The following GRB14 variants were observed in gnomAD, a reference collection of about 807,000 sequenced individuals.
The protein encoded by GRB14 is growth factor receptor bound protein 14, also known as growth factor receptor-bound protein 14.
In GRB14, 38 loss-of-function variants were observed where a neutral mutation model predicts 69.1. That is an observed-to-expected ratio of 0.55 (90% CI 0.42 to 0.72). The LOEUF (loss-of-function observed/expected upper bound fraction) is 0.72. GRB14 is among the 30% of genes least tolerant of loss of function. GRB14 has a pLI of 0.00. For missense variants in GRB14, 666 were observed against 666.1 expected, an observed-to-expected ratio of 1.00 and a Z score of 0.00; for synonymous variants, 247 against 241.3, an observed-to-expected ratio of 1.02 and a Z score of -0.22.
chr2:164,525,093 C>T lies in GRB14; in HGVS notation c.604-15G>A. 1 of 1,482,700 alleles carries T rather than the reference C, an allele frequency of 6.7e-7. No individual in the cohort carries two copies. Among genetic ancestry groups the T allele is most frequent in the African/African-American group, 1.4e-5 (1 of 71,248 alleles). The allele number at this position is 1,482,700 out of a possible 1,614,324, so 91.8% of individuals were successfully genotyped here. A position where few individuals can be genotyped will look rare whatever the true frequency, so the allele number is the denominator to read the frequency against. On this transcript the variant is annotated splice_polypyrimidine_tract_variant and intron_variant, in intron 4 of 13. Coordinates refer to ENST00000263915, the MANE Select transcript of GRB14 (RefSeq NM_004490.3). ...GGAAAAAAATACTGTCAAAAAGACA[C>T]AGTTAAATTATCACAAAATTCATGC...
chr2:164,522,405 A>G (rs552846616), intron 5 of GRB14, among the ~76,000 whole-genome samples: 107 of 152,254 alleles, frequency 7.0e-4, no homozygotes, highest in Non-Finnish European at 9.1e-4. Flanking sequence ...TCAAATGAAA[A>G]TGAGTTCACA....
intron 6 of GRB14, among the ~76,000 whole-genome samples, chr2:164,515,237 G>A (rs947337977): frequency 6.6e-6 from 1 of 152,082 alleles, no homozygotes; most frequent in Non-Finnish European, 1.5e-5. Context: ...TGCCAACTCC[G>A]GGCTGCAGGC....
At chr2:164,576,650 A>G (rs746404277) in intron 2 of GRB14, among the ~76,000 whole-genome samples, 3 of 151,866 alleles carry the variant, frequency 2.0e-5, no homozygotes, top group Non-Finnish European at 4.4e-5. Flanking sequence ...AACACTATAT[A>G]TCATATCTCA....
At chr2:164,532,368 G>A (rs1386126678) in intron 3 of GRB14, among the ~76,000 whole-genome samples, 2 of 152,154 alleles carry the variant, frequency 1.3e-5, no homozygotes, top group Non-Finnish European at 2.9e-5. Flanking sequence ...TTTCATTATT[G>A]TATTTAATTC....
At chr2:164,568,439 A>G in intron 2 of GRB14, 1 of 1,245,488 alleles carries the variant, frequency 8.0e-7, no homozygotes. Flanking sequence ...GAAATCTTTT[A>G]TGGTTACTCC....
In GRB14 at chr2:164,572,251, T is replaced by A. The variant is rs149954121; in HGVS notation, c.325-24435A>T. On this transcript the variant is annotated intron_variant, in intron 2 of 13. Coordinates refer to ENST00000263915, the MANE Select transcript of GRB14 (RefSeq NM_004490.3). The stretch of plus-strand genomic sequence containing the variant: ...GCACCAGTCTAATACAAAAGTACCA[T>A]CCAACCTCTAGGTTTCAAGTCCCCC... Among the ~76,000 whole-genome samples, 266 of 152,290 alleles carry A rather than the reference T, an allele frequency of 1.7e-3. 3 individuals carry two copies. The highest frequency in any genetic ancestry group is 6.1e-3 in the African/African-American group (254 of 41,562).
chr2:164,610,033 G>A (rs1327525455), intron 2 of GRB14, among the ~76,000 whole-genome samples: 2 of 152,074 alleles, frequency 1.3e-5, no homozygotes, highest in Non-Finnish European at 2.9e-5. Flanking sequence ...CACGCCCCAG[G>A]GTAATGCACC....
chr2:164,574,889 CACTGA>C (rs1437431405), intron 2 of GRB14, among the ~76,000 whole-genome samples: 1 of 151,292 alleles, frequency 6.6e-6, no homozygotes, highest in Non-Finnish European at 1.5e-5. Flanking sequence ...GGCTGCACTC[CACTGA>C]ACTCCAGCCT....
intron 2 of GRB14, among the ~76,000 whole-genome samples, chr2:164,563,786 A>G (rs1688894036): frequency 6.6e-6 from 1 of 152,158 alleles, no homozygotes; most frequent in Non-Finnish European, 1.5e-5. Flanking sequence ...TCTGCCCATA[A>G]ATGACAAAAC....
chr2:164,496,539 C>A (rs1027339265), intron 12 of GRB14, among the ~76,000 whole-genome samples: 1 of 151,922 alleles, frequency 6.6e-6, no homozygotes, highest in South Asian at 2.1e-4. Context: ...TGTAAACACA[C>A]AAAAAAATAA....
At chr2:164,603,800 A>T (rs1209563953) in intron 2 of GRB14, among the ~76,000 whole-genome samples, 1 of 152,234 alleles carries the variant, frequency 6.6e-6, no homozygotes, top group Non-Finnish European at 1.5e-5. Context: ...CATAAGAAAC[A>T]CTATAAACAA....
intron 9 of GRB14, among the ~76,000 whole-genome samples, chr2:164,500,980 G>A (rs1687034343): frequency 6.6e-6 from 1 of 152,048 alleles, no homozygotes; most frequent in Non-Finnish European, 1.5e-5. Flanking sequence ...CTATTAACAT[G>A]TTCATCCTAA....
chr2:164,621,063 C>A lies in GRB14; in HGVS notation c.191+56G>T. The A allele has an allele frequency of 8.1e-7, 1 of 1,234,578 alleles. No individual in the cohort carries two copies. Among genetic ancestry groups the A allele is most frequent in the Non-Finnish European group, 1.0e-6 (1 of 978,930 alleles). 76.5% of individuals were successfully genotyped at this position (1,234,578 alleles called of 1,614,324 possible). A position where few individuals can be genotyped will look rare whatever the true frequency, so the allele number is the denominator to read the frequency against. ...CTCACCCCCTAGGACCGCCTCCTCA[C>A]CCCCTCGCCGGCTGCCCAGCCAGGA... On this transcript the variant is annotated intron_variant, in intron 1 of 13. Transcript: ENST00000263915. The surrounding 1 kb of genome is among the most constrained non-coding windows in gnomAD (Gnocchi z 6.0).
intron 6 of GRB14, among the ~76,000 whole-genome samples, chr2:164,516,617 T>C (rs1286161839): frequency 6.6e-6 from 1 of 152,178 alleles, no homozygotes; most frequent in African/African-American, 2.4e-5. Flanking sequence ...AAAAATTTTG[T>C]ATCCAGCGAA....
intron 1 of GRB14, among the ~76,000 whole-genome samples, chr2:164,620,595 G>C (rs186471686): frequency 6.6e-6 from 1 of 151,856 alleles, no homozygotes; most frequent in African/African-American, 2.4e-5. Flanking sequence ...TTTTCTTTCC[G>C]AAAGTATGTG....
intron 2 of GRB14, among the ~76,000 whole-genome samples, chr2:164,604,859 G>A (rs72874873): frequency 0.01 from 1,578 of 152,212 alleles, 14 homozygotes; most frequent in Non-Finnish European, 0.013. Flanking sequence ...GGGCCGAGAC[G>A]GAGAAGAGAA....
intron 4 of GRB14, among the ~76,000 whole-genome samples, chr2:164,526,262 C>A (rs748569736): frequency 6.6e-6 from 1 of 151,932 alleles, no homozygotes; most frequent in Non-Finnish European, 1.5e-5. Flanking sequence ...TCATTTCAAT[C>A]CAATTATCAT....
intron 2 of GRB14, among the ~76,000 whole-genome samples, chr2:164,607,176 T>C (rs1690061533): frequency 6.6e-6 from 1 of 152,216 alleles, no homozygotes; most frequent in African/African-American, 2.4e-5. Context: ...CTTTTCAAAG[T>C]TTCTTTACAC....
At chr2:164,559,340 G>A (rs958467015) in intron 2 of GRB14, among the ~76,000 whole-genome samples, 1 of 150,994 alleles carries the variant, frequency 6.6e-6, no homozygotes, top group African/African-American at 2.4e-5. Flanking sequence ...GTGGTATTTG[G>A]TTACATGAAT....
Sources: allele counts gnomAD v4.1 joint callset (sites outside exome capture counted in the v4.1 genomes callset), GRCh38; gene constraint gnomAD v4.1.1; non-coding constraint Gnocchi (gnomAD v3.1); transcripts MANE v1.5; gene names NCBI Gene and HGNC (gene_info 2026-07-23, HGNC 2026-07-21).